CREB3L2: variants seen among roughly 807,000 people sequenced by gnomAD.
CREB3L2 encodes cyclic AMP-responsive element-binding protein 3-like protein 2.
In CREB3L2, 23 loss-of-function variants were observed where a neutral mutation model predicts 57.2. The ratio of observed to expected loss-of-function variants is 0.40; its 90% CI spans 0.29 to 0.57. CREB3L2 has a LOEUF of 0.57. CREB3L2 is among the 20% of genes least tolerant of loss of function. The pLI is 0.42. For synonymous variants in CREB3L2, 268 were observed against 265.1 expected (o/e 1.01, Z -0.11); for missense variants, 628 against 634.7 (o/e 0.99, Z 0.11).
At chr7:137,955,239 A>T in intron 1 of CREB3L2, 2 of 1,279,732 alleles carry the variant, frequency 1.6e-6, no homozygotes, top group Non-Finnish European at 2.0e-6. Context: ...GTAAGAATCC[A>T]TCCAACAGGT....
chr7:137,983,426 C>T (rs1428505807), intron 1 of CREB3L2, among the ~76,000 whole-genome samples: 2 of 152,232 alleles, frequency 1.3e-5, no homozygotes, highest in East Asian at 3.8e-4. Flanking sequence ...GTCTTTTAGA[C>T]ATGTTCCAAT....
rs1799236812 is a variant in CREB3L2 at position 137,879,388 on chromosome 7, G to A, written c.*1088C>T. 1 of 463,964 alleles carries A rather than the reference G, an allele frequency of 2.2e-6. No homozygotes were observed. The highest frequency in any genetic ancestry group is 2.0e-5 in the African/African-American group (1 of 50,942). The allele number at this position is 463,964 out of a possible 1,614,324, so 28.7% of individuals were successfully genotyped here. A position where few individuals can be genotyped will look rare whatever the true frequency, so the allele number is the denominator to read the frequency against. On this transcript the variant is annotated 3_prime_UTR_variant, in exon 12 of 12. Transcript: ENST00000330387. ...GTGTGGAAAGCCAGCAAGGTTGTCTGAAATGTCTGTTGTCAGAACAGGGCT... is the reference window on the plus strand; with the variant it reads ...GTGTGGAAAGCCAGCAAGGTTGTCTAAAATGTCTGTTGTCAGAACAGGGCT...
At chr7:137,931,677 C>T (rs1166272130) in intron 1 of CREB3L2, among the ~76,000 whole-genome samples, 1 of 151,314 alleles carries the variant, frequency 6.6e-6, no homozygotes, top group South Asian at 2.1e-4. Context: ...ACTAAAAATA[C>T]AAAACTTAGC....
chr7:138,001,545 T>A lies in CREB3L2; in HGVS notation c.102+59A>T. The stretch of plus-strand genomic sequence containing the variant: ...CGGGTCCCAGGACTCCAGCTGCTCC[T>A]CGCGTGACAACACTTGCCCGCTTTG... On this transcript the variant is annotated intron_variant, in intron 1 of 11. Transcript: ENST00000330387. This position sits in a 1 kb window ranked among gnomAD's most constrained non-coding sequence, Gnocchi z 4.2. 1 of 1,344,894 alleles carries A rather than the reference T, an allele frequency of 7.4e-7. No homozygotes were observed. Among genetic ancestry groups the A allele is most frequent in the Non-Finnish European group, 1.0e-6 (1 of 962,922 alleles). 83.3% of individuals were successfully genotyped at this position (1,344,894 alleles called of 1,614,324 possible).
intron 1 of CREB3L2, among the ~76,000 whole-genome samples, chr7:137,933,169 C>T (rs1301277321): frequency 6.6e-6 from 1 of 152,208 alleles, no homozygotes; most frequent in African/African-American, 2.4e-5. Flanking sequence ...GACAGAGATC[C>T]TTTGAAGACA....
In CREB3L2 at chr7:137,905,702, C is replaced by G; in HGVS notation, c.915G>C (p.Lys305Asn). The change falls in exon 6 of 12, where the codon AAG (lysine) becomes AAC (asparagine). Residue 305 changes from lysine to asparagine, a missense_variant and splice_region_variant. Physicochemically the swap from Lys to Asn is moderately conservative, Grantham distance 94 (BLOSUM62 0). Around this residue, in one of 3 missense-constraint regions of CREB3L2, gnomAD observed 17 missense variants for 36.6 expected, o/e 0.46. Coordinates refer to ENST00000330387, the MANE Select transcript of CREB3L2 (RefSeq NM_194071.4). ...AAGTGCCTAGATTTGAAGAGCTCAC[C>G]TTATTCTTGATCTTCCTCCGAATTT... ...LKKIRRKIKN[K>N]ISAQESRRKK... is the part of the protein sequence containing the mutation. 1.2e-6 allele frequency: 2 copies of G among 1,614,116 alleles called. No individual in the cohort carries two copies. Among genetic ancestry groups the G allele is most frequent in the Non-Finnish European group, 1.7e-6 (2 of 1,180,002 alleles).
intron 1 of CREB3L2, among the ~76,000 whole-genome samples, chr7:137,977,883 T>C (rs887506202): frequency 4.1e-5 from 6 of 147,532 alleles, no homozygotes; most frequent in African/African-American, 1.5e-4. Context: ...ATCATGCCAC[T>C]GCACTCCAGC....
chr7:137,909,569 G>A (rs1232321693), intron 4 of CREB3L2, among the ~76,000 whole-genome samples: 1 of 152,184 alleles, frequency 6.6e-6, no homozygotes, highest in African/African-American at 2.4e-5. Context: ...CAGCAGCCCC[G>A]TGGTGGGCAT....
At chr7:137,931,053 G>A (rs1178247441) in intron 1 of CREB3L2, among the ~76,000 whole-genome samples, 4 of 151,850 alleles carry the variant, frequency 2.6e-5, no homozygotes, top group African/African-American at 9.7e-5. Flanking sequence ...GCAACATAGT[G>A]AGACACAGTC....
chr7:137,890,657 G>T (rs1326720169), intron 8 of CREB3L2, among the ~76,000 whole-genome samples: 1 of 152,218 alleles, frequency 6.6e-6, no homozygotes, highest in Non-Finnish European at 1.5e-5. Flanking sequence ...AGTGCTTGCT[G>T]TCTCTTTTCA....
At chr7:137,912,069 G>C (rs1178042420) in intron 4 of CREB3L2, among the ~76,000 whole-genome samples, 1 of 152,002 alleles carries the variant, frequency 6.6e-6, no homozygotes, top group Non-Finnish European at 1.5e-5. Flanking sequence ...CATAGAGAAA[G>C]ATAAATATAG....
intron 1 of CREB3L2, among the ~76,000 whole-genome samples, chr7:137,979,502 G>T (rs1207192625): frequency 6.6e-6 from 1 of 152,096 alleles, no homozygotes; most frequent in African/African-American, 2.4e-5. Flanking sequence ...GAGGCGGGCG[G>T]ATCACGAGGT....
chr7:137,926,872 G>A (rs533182975), intron 2 of CREB3L2, among the ~76,000 whole-genome samples: 1 of 152,272 alleles, frequency 6.6e-6, no homozygotes, highest in South Asian at 2.1e-4. Flanking sequence ...TTTAAACCTG[G>A]GCATGGTGGC....
Position 137,882,585 on chromosome 7 carries a change from T to C in CREB3L2, c.1314A>G (p.Pro438=). The C allele has an allele frequency of 6.2e-7, 1 of 1,611,814 alleles. No individual in the cohort carries two copies. Among genetic ancestry groups the C allele is most frequent in the Middle Eastern group, 1.7e-4 (1 of 6,044 alleles). ...CCGAGCCCGGGCTGGATGACTCCTC[T>C]GGGGGAGAATGTTCCTCGTAGATCA... ...NLLIYEEHSP[P]EESSSPGSAG... The change falls in exon 11 of 12, where the codon CCA becomes CCG. Residue 438 remains proline (P), a synonymous_variant. Transcript: ENST00000330387.
chr7:137,915,323 T>C (rs1476920402), intron 3 of CREB3L2, among the ~76,000 whole-genome samples: 3 of 152,016 alleles, frequency 2.0e-5, no homozygotes. Flanking sequence ...ACTATTACTA[T>C]TATTATAATG....
At chr7:137,982,978 A>G (rs1019599433) in intron 1 of CREB3L2, among the ~76,000 whole-genome samples, 3 of 152,238 alleles carry the variant, frequency 2.0e-5, no homozygotes, top group Non-Finnish European at 2.9e-5. Flanking sequence ...AGCCCTAACC[A>G]GGAACAGAAT....
intron 10 of CREB3L2, among the ~76,000 whole-genome samples, chr7:137,883,182 T>C (rs1198928253): frequency 6.6e-6 from 1 of 152,228 alleles, no homozygotes; most frequent in African/African-American, 2.4e-5. Flanking sequence ...GAAACTATGC[T>C]TCCAATTAAA....
At chr7:137,943,580 G>T (rs1167272443) in intron 1 of CREB3L2, among the ~76,000 whole-genome samples, 4 of 152,246 alleles carry the variant, frequency 2.6e-5, no homozygotes, top group Non-Finnish European at 2.9e-5. Flanking sequence ...CAGTTATGCA[G>T]AACCTCCATG....
intron 2 of CREB3L2, among the ~76,000 whole-genome samples, 193 bp from the exon 3 acceptor site, chr7:137,916,205 C>T (rs532201955): frequency 3.3e-5 from 5 of 152,108 alleles, no homozygotes; most frequent in African/African-American, 1.2e-4. Context: ...TACTTGTATT[C>T]GCTTGCATGT....
Sources: gnomAD v4.1 joint callset for allele counts (sites outside exome capture counted in the v4.1 genomes callset) on GRCh38, gnomAD v4.1.1 for gene constraint, gnomAD v4.1.1 regional missense constraint, Gnocchi (gnomAD v3.1) non-coding constraint, MANE v1.5 for transcripts, NCBI Gene and HGNC (gene_info 2026-07-23, HGNC 2026-07-21) for gene names.